Variants in UTRN observed in about 807,000 individuals in gnomAD.
The protein encoded by UTRN is dystrophin-related protein 1.
Under a neutral mutation model 463.9 loss-of-function variants are expected in UTRN, and 283 were observed. The ratio of observed to expected loss-of-function variants is 0.61; its 90% CI spans 0.55 to 0.67. UTRN has a LOEUF of 0.67. Among genes scored for constraint, UTRN ranks in the 30% least tolerant of loss-of-function variants. The probability of loss-of-function intolerance (pLI) is 0.00; values close to 1 mark genes in which losing one functional copy is unlikely to be tolerated. For synonymous variants in UTRN, 1,442 were observed against 1,431.5 expected, an observed-to-expected ratio of 1.01 and a Z score of -0.17; for missense variants, 3,922 against 4,084.3, an observed-to-expected ratio of 0.96 and a Z score of 1.08.
intron 74 of UTRN, among the ~76,000 whole-genome samples, chr6:144,848,273 A>C (rs1453301005): frequency 6.6e-6 from 1 of 152,222 alleles, no homozygotes; most frequent in African/African-American, 2.4e-5. Context: ...GCCACTCATG[A>C]ATTTAACATG....
At chr6:144,384,357 G>A (rs117073320) in intron 2 of UTRN, among the ~76,000 whole-genome samples, 3 of 152,144 alleles carry the variant, frequency 2.0e-5, no homozygotes, top group East Asian at 1.9e-4. Flanking sequence ...ATAGGAGCAC[G>A]AACCCTATTG....
intron 66 of UTRN, 29 bp from the exon 67 acceptor site, chr6:144,827,319 A>T: frequency 6.2e-7 from 1 of 1,612,730 alleles, no homozygotes; most frequent in Non-Finnish European, 8.5e-7. Flanking sequence ...TTGTTCTGTG[A>T]CTTTTGTCTC....
At chr6:144,690,082 T>A (rs1006649214) in intron 52 of UTRN, among the ~76,000 whole-genome samples, 53 of 44,530 alleles carry the variant, frequency 1.2e-3, no homozygotes, top group African/African-American at 5.6e-3. Flanking sequence ...CTGTTTTTTT[T>A]TTTTTTTTTT....
intron 59 of UTRN, among the ~76,000 whole-genome samples, chr6:144,773,782 C>T (rs1357862999): frequency 6.6e-6 from 1 of 152,174 alleles, no homozygotes; most frequent in African/African-American, 2.4e-5. Flanking sequence ...CCTCTAGGGA[C>T]AGGATACCTG....
intron 65 of UTRN, 100 bp from the exon 66 acceptor site, chr6:144,820,782 G>T: frequency 7.0e-7 from 1 of 1,422,272 alleles, no homozygotes; most frequent in Non-Finnish European, 9.4e-7. Context: ...CAAAACTGTT[G>T]ACATTTAATT....
At chr6:144,318,961 T>C (rs1207603008) in intron 2 of UTRN, among the ~76,000 whole-genome samples, 2 of 152,068 alleles carry the variant, frequency 1.3e-5, no homozygotes, top group Non-Finnish European at 2.9e-5. Context: ...CCCAGCTACT[T>C]GGGAGGCTGA....
intron 4 of UTRN, among the ~76,000 whole-genome samples, chr6:144,422,617 C>CAA (rs76087875): frequency 8.3e-6 from 1 of 120,028 alleles, no homozygotes; most frequent in Non-Finnish European, 1.8e-5. Flanking sequence ...GACTCCGTCT[C>CAA]AAAAAAAAAA....
intron 53 of UTRN, among the ~76,000 whole-genome samples, chr6:144,714,826 G>A (rs886736901): frequency 6.6e-6 from 1 of 152,046 alleles, no homozygotes; most frequent in African/African-American, 2.4e-5. Context: ...CTTTGACTAG[G>A]GGTTCATTCC....
chr6:144,851,695 C>T lies in UTRN; in HGVS notation c.*698C>T, dbSNP rs544218050. 2.0e-5 allele frequency: 3 copies of T among 152,222 alleles called. No homozygotes were observed. Among genetic ancestry groups the T allele is most frequent in the African/African-American group, 7.2e-5 (3 of 41,556 alleles). 9.4% of individuals were successfully genotyped at this position (152,222 alleles called of 1,614,324 possible). ...ACTTCTTTGCTGACCACTTGGATAA[C>T]CGTAATAAAAATCCTATAAGCCTAA... On this transcript the variant is annotated 3_prime_UTR_variant, in exon 75 of 75. Coordinates refer to ENST00000367545, the MANE Select transcript of UTRN (RefSeq NM_007124.3).
rs1414277808 is a variant in UTRN at position 144,533,241 on chromosome 6, G to A, written c.6214G>A (p.Val2072Met). The change falls in exon 43 of 75, where the codon GTG (valine) becomes ATG (methionine). Residue 2072 changes from valine (V) to methionine (M), a missense_variant. By Grantham distance (21) the Val-to-Met change is conservative. Transcript: ENST00000367545. ...ACGCTGGGATGCAATTGTTGCAGAA[G>A]TGAAGGATAGGCAGCCAAGGTGATT... ...NQRWDAIVAE[V>M]KDRQPRLKGE... 1.2e-6 allele frequency: 2 copies of A among 1,614,120 alleles called. No homozygotes were observed. The highest frequency in any genetic ancestry group is 2.2e-5 in the East Asian group (1 of 44,886).
At chr6:144,370,578 C>G (rs987256413) in intron 2 of UTRN, among the ~76,000 whole-genome samples, 3 of 152,178 alleles carry the variant, frequency 2.0e-5, no homozygotes, top group Admixed American at 6.5e-5. Flanking sequence ...TGGGAGCCCC[C>G]GCACAGAATT....
intron 52 of UTRN, among the ~76,000 whole-genome samples, chr6:144,693,113 C>T (rs1783606828): frequency 6.6e-6 from 1 of 151,984 alleles, no homozygotes; most frequent in African/African-American, 2.4e-5. Context: ...TTGCATATGG[C>T]TAGCCAGTTA....
intron 54 of UTRN, among the ~76,000 whole-genome samples, chr6:144,732,214 T>TTATATATATATATATATATATATATATA (rs1174420940): frequency 2.2e-5 from 2 of 92,310 alleles, no homozygotes; most frequent in African/African-American, 4.6e-5. Context: ...GTACTCTGTT[T>TTATATATATATATATATATATATATATA]TATATATATA....
At chr6:144,368,561 C>T (rs1779710168) in intron 2 of UTRN, among the ~76,000 whole-genome samples, 1 of 151,964 alleles carries the variant, frequency 6.6e-6, no homozygotes, top group Non-Finnish European at 1.5e-5. Context: ...TGCCTGAGAT[C>T]AGGAGTTTTA....
intron 50 of UTRN, among the ~76,000 whole-genome samples, chr6:144,569,747 A>G (rs926847656): frequency 1.3e-5 from 2 of 152,174 alleles, no homozygotes; most frequent in African/African-American, 2.4e-5. Flanking sequence ...GTGTCCCCCA[A>G]AGTGATTATT....
At position 144,551,049 on chromosome 6, in the gene UTRN, A is replaced by C. The variant is rs1182477218; in HGVS notation, c.6895A>C (p.Ser2299Arg). The change falls in exon 48 of 75, where the codon AGT becomes CGT. Residue 2299 changes from serine (S) to arginine (R), a missense_variant. Ser to Arg is a moderately radical substitution (Grantham distance 110, BLOSUM62 -1). Around this residue, in one of 3 missense-constraint regions of UTRN, gnomAD observed 1,309 missense variants for 1,452.6 expected, o/e 0.90. Coordinates refer to ENST00000367545, the MANE Select transcript of UTRN (RefSeq NM_007124.3). ...LAQNLKNKASSSDMRTAITEK... is the reference protein window; with the variant it reads ...LAQNLKNKASRSDMRTAITEK... Reference sequence around the variant, plus strand: ...ACAGAATTTGAAAAATAAAGCTTCCAGTTCAGATATGAGAACAGCAATTAC... The same window carrying C: ...ACAGAATTTGAAAAATAAAGCTTCCCGTTCAGATATGAGAACAGCAATTAC... The C allele has an allele frequency of 6.2e-7, 1 of 1,610,196 alleles. No homozygotes were observed. The highest frequency in any genetic ancestry group is 1.3e-5 in the African/African-American group (1 of 74,738).
intron 41 of UTRN, among the ~76,000 whole-genome samples, chr6:144,524,843 T>G (rs1333031194): frequency 1.3e-5 from 2 of 152,204 alleles, no homozygotes; most frequent in Admixed American, 1.3e-4. Context: ...CATAGATGGC[T>G]TTTATTACCT....
chr6:144,346,550 A>T lies in UTRN; in HGVS notation c.79+54643A>T, dbSNP rs550057416. On this transcript the variant is annotated intron_variant, in intron 2 of 74. Coordinates refer to ENST00000367545, the MANE Select transcript of UTRN (RefSeq NM_007124.3). The stretch of plus-strand genomic sequence containing the variant: ...AAAATAATATTTTCAGCCAGGCACA[A>T]TGGCTCATGCTTGTAATCCCAGCAC... 6.0e-4 allele frequency among the ~76,000 whole-genome samples: 92 copies of T among 152,210 alleles called. 1 individual carries two copies. The highest frequency in any genetic ancestry group is 2.2e-3 in the African/African-American group (91 of 41,534).
At chr6:144,772,363 C>G (rs903294695) in intron 59 of UTRN, among the ~76,000 whole-genome samples, 1 of 152,076 alleles carries the variant, frequency 6.6e-6, no homozygotes, top group East Asian at 1.9e-4. Context: ...AATCACCAGC[C>G]TTTCTTACAT....
Sources: gnomAD v4.1 joint callset for allele counts (sites outside exome capture counted in the v4.1 genomes callset) on GRCh38, gnomAD v4.1.1 for gene constraint, gnomAD v4.1.1 regional missense constraint, MANE v1.5 for transcripts, NCBI Gene and HGNC (gene_info 2026-07-23, HGNC 2026-07-21) for gene names.